SHISA6: variants seen among roughly 807,000 people sequenced by gnomAD.
SHISA6 encodes protein shisa-6.
Under a neutral mutation model 47.9 loss-of-function variants are expected in SHISA6, and 22 were observed. The observed-to-expected ratio is 0.46, with a 90% CI of 0.33 to 0.66. SHISA6 has a LOEUF of 0.66. Ranked by LOEUF, SHISA6 falls within the 30% of genes least tolerant of loss-of-function variation. The pLI is 0.02. For synonymous variants in SHISA6, 388 were observed against 337.8 expected (o/e 1.15, Z -1.63); for missense variants, 680 against 764.6 (o/e 0.89, Z 1.30).
chr17:11,392,986 C>T (rs986381240), intron 3 of SHISA6, among the ~76,000 whole-genome samples: 5 of 152,206 alleles, frequency 3.3e-5, no homozygotes, highest in Admixed American at 6.5e-5. Flanking sequence ...CCTTTTTGTG[C>T]GAATTGAGAG....
At position 11,526,922 on chromosome 17, in the gene SHISA6, T is replaced by C. The variant is rs1281693583; in HGVS notation, c.896-24974T>C. ...ATATATATATATATATATATATATATATATATATATATATTATAATGATCA... is the reference window on the plus strand; with the variant it reads ...ATATATATATATATATATATATATACATATATATATATATTATAATGATCA... On this transcript the variant is annotated intron_variant, in intron 3 of 5. Transcript: ENST00000441885. 7.1e-3 allele frequency among the ~76,000 whole-genome samples: 188 copies of C among 26,542 alleles called. 2 individuals carry two copies. Among genetic ancestry groups the C allele is most frequent in the Non-Finnish European group, 8.4e-3 (126 of 14,992 alleles). The allele number at this position is 26,542 out of a possible 152,430, so 17.4% of individuals were successfully genotyped here. A position where few individuals can be genotyped will look rare whatever the true frequency, so the allele number is the denominator to read the frequency against.
intron 3 of SHISA6, among the ~76,000 whole-genome samples, chr17:11,408,897 A>C (rs1914037231): frequency 6.6e-6 from 1 of 152,240 alleles, no homozygotes; most frequent in Non-Finnish European, 1.5e-5. Context: ...CACCAGGGTG[A>C]TAGGACACAC....
At chr17:11,388,358 C>T (rs1290077404) in intron 3 of SHISA6, among the ~76,000 whole-genome samples, 2 of 152,028 alleles carry the variant, frequency 1.3e-5, no homozygotes, top group African/African-American at 4.8e-5. Flanking sequence ...TCTTGTGTGG[C>T]TCTATAGGTG....
chr17:11,450,965 T>A (rs1177167961), intron 3 of SHISA6, among the ~76,000 whole-genome samples: 1 of 142,314 alleles, frequency 7.0e-6, no homozygotes, highest in Non-Finnish European at 1.5e-5. Flanking sequence ...AGGAGCAAGG[T>A]AGACCAGGAC....
chr17:11,530,786 T>C (rs2071725597), intron 3 of SHISA6, among the ~76,000 whole-genome samples: 1 of 152,210 alleles, frequency 6.6e-6, no homozygotes, highest in African/African-American at 2.4e-5. Flanking sequence ...AGGCACAGTG[T>C]GTAAATTTTT....
chr17:11,388,854 A>T lies in SHISA6; in HGVS notation c.895+9345A>T, dbSNP rs573448932. ...TATATATATATATTTTAAAAAAGGTAAAAAAAAAAAACCTTTGAGAGTTTC... is the reference window on the plus strand; with the variant it reads ...TATATATATATATTTTAAAAAAGGTTAAAAAAAAAAACCTTTGAGAGTTTC... On this transcript the variant is annotated intron_variant, in intron 3 of 5. Coordinates refer to ENST00000441885, the MANE Select transcript of SHISA6 (RefSeq NM_207386.4). Among the ~76,000 whole-genome samples, 18 of 116,080 alleles carry T rather than the reference A, an allele frequency of 1.6e-4. No individual in the cohort carries two copies. The East Asian group carries it at 3.7e-3, about 24-fold the overall frequency. The allele number at this position is 116,080 out of a possible 152,430, so 76.2% of individuals were successfully genotyped here. A position where few individuals can be genotyped will look rare whatever the true frequency, so the allele number is the denominator to read the frequency against.
At chr17:11,483,256 G>A (rs951724222) in intron 3 of SHISA6, among the ~76,000 whole-genome samples, 3 of 151,166 alleles carry the variant, frequency 2.0e-5, no homozygotes, top group African/African-American at 4.9e-5. Context: ...AGCCAAGATC[G>A]TGCCATTGCA....
chr17:11,406,194 T>C (rs982482769), intron 3 of SHISA6, among the ~76,000 whole-genome samples: 2 of 152,210 alleles, frequency 1.3e-5, no homozygotes, highest in Non-Finnish European at 2.9e-5. Context: ...CAGTGGTACG[T>C]GGACACACCA....
intron 2 of SHISA6, among the ~76,000 whole-genome samples, chr17:11,378,549 A>G (rs1912894925): frequency 6.6e-6 from 1 of 152,236 alleles, no homozygotes; most frequent in South Asian, 2.1e-4. Context: ...GAGGGCATTT[A>G]GGGAGGCCTT....
At chr17:11,455,226 T>A (rs1410624603) in intron 3 of SHISA6, among the ~76,000 whole-genome samples, 1 of 151,960 alleles carries the variant, frequency 6.6e-6, no homozygotes, top group Non-Finnish European at 1.5e-5. Context: ...AATGACTCAA[T>A]GCAATGTCAT....
At chr17:11,503,807 C>T (rs936856976) in intron 3 of SHISA6, among the ~76,000 whole-genome samples, 2 of 152,158 alleles carry the variant, frequency 1.3e-5, no homozygotes, top group Non-Finnish European at 2.9e-5. Flanking sequence ...CAGATGTAGC[C>T]GGCGCTACTG....
At chr17:11,524,080 A>G (rs1261426503) in intron 3 of SHISA6, among the ~76,000 whole-genome samples, 2 of 149,006 alleles carry the variant, frequency 1.3e-5, no homozygotes, top group African/African-American at 2.5e-5. Context: ...TGAAAGAAAG[A>G]AAAAGAAAGA....
intron 2 of SHISA6, among the ~76,000 whole-genome samples, chr17:11,318,192 A>T (rs1597455503): frequency 2.0e-5 from 3 of 152,364 alleles, no homozygotes; most frequent in East Asian, 3.9e-4. Flanking sequence ...AATTATCTGA[A>T]CTTCAACACT....
intron 2 of SHISA6, among the ~76,000 whole-genome samples, chr17:11,359,337 A>G (rs752112712): frequency 3.3e-5 from 5 of 152,340 alleles, no homozygotes; most frequent in Middle Eastern, 3.4e-3. Flanking sequence ...TACTCAGAAT[A>G]TATTTGTTTG....
chr17:11,268,011 G>A (rs1265145105), intron 2 of SHISA6, among the ~76,000 whole-genome samples: 1 of 152,156 alleles, frequency 6.6e-6, no homozygotes, highest in East Asian at 1.9e-4. Flanking sequence ...GACCCAGCAT[G>A]TTTGCCTGAC....
chr17:11,278,443 T>C (rs1179827750), intron 2 of SHISA6, among the ~76,000 whole-genome samples: 1 of 152,250 alleles, frequency 6.6e-6, no homozygotes, highest in Non-Finnish European at 1.5e-5. Flanking sequence ...CTGTGTCTCC[T>C]CGCCCATATG....
chr17:11,328,585 A>T (rs1403215174), intron 2 of SHISA6, among the ~76,000 whole-genome samples: 1 of 152,234 alleles, frequency 6.6e-6, no homozygotes, highest in Non-Finnish European at 1.5e-5. Flanking sequence ...CAATAAATAA[A>T]TTGCGTGTGT....
chr17:11,355,308 A>T (rs1912045121), intron 2 of SHISA6, among the ~76,000 whole-genome samples: 2 of 152,242 alleles, frequency 1.3e-5, no homozygotes, highest in African/African-American at 4.8e-5. Flanking sequence ...CCCTCGTGGT[A>T]TCACATGCTA....
intron 3 of SHISA6, among the ~76,000 whole-genome samples, chr17:11,424,455 A>G (rs1381563347): frequency 6.6e-6 from 1 of 152,180 alleles, no homozygotes; most frequent in African/African-American, 2.4e-5. Flanking sequence ...TGAGACATCT[A>G]CCTCCATCAA....
Sources: allele counts gnomAD v4.1 joint callset (sites outside exome capture counted in the v4.1 genomes callset), GRCh38; gene constraint gnomAD v4.1.1; transcripts MANE v1.5; gene names NCBI Gene and HGNC (gene_info 2026-07-23, HGNC 2026-07-21).